The following IGF2BP2 variants were observed in gnomAD, a reference collection of about 807,000 sequenced individuals.
IGF2BP2 encodes insulin-like growth factor 2 mRNA-binding protein 2.
IGF2BP2 carries 17 observed loss-of-function variants against 75.8 expected under a neutral mutation model. The observed-to-expected ratio is 0.22, with a 90% CI of 0.15 to 0.34. The LOEUF is 0.34. Among genes scored for constraint, IGF2BP2 ranks in the 10% least tolerant of loss-of-function variants. IGF2BP2 has a pLI of 1.00. For missense variants in IGF2BP2, 516 were observed against 772.4 expected, an observed-to-expected ratio of 0.67 and a Z score of 3.93; for synonymous variants, 288 against 295.6, an observed-to-expected ratio of 0.97 and a Z score of 0.26.
chr3:185,782,521 G>A (rs965935800), intron 2 of IGF2BP2, among the ~76,000 whole-genome samples: 3 of 151,938 alleles, frequency 2.0e-5, no homozygotes, highest in South Asian at 2.1e-4. Context: ...ACTCACATTC[G>A]TTTACATAGA....
rs567565384 is a variant in IGF2BP2 at position 185,689,743 on chromosome 3, T to C, written c.405-116A>G. 1,158 of 1,146,680 alleles carry C rather than the reference T, an allele frequency of 1.0e-3. 8 individuals are homozygous for C. In the African/African-American group the frequency reaches 0.013, roughly 13 times the overall value. The allele number at this position is 1,146,680 out of a possible 1,614,324, so 71.0% of individuals were successfully genotyped here. A position where few individuals can be genotyped will look rare whatever the true frequency, so the allele number is the denominator to read the frequency against. On this transcript the variant is annotated intron_variant, in intron 5 of 15. Coordinates refer to ENST00000382199, the MANE Select transcript of IGF2BP2 (RefSeq NM_006548.6). ...CAGCACTTTGGGAGGCCGAGGCGGG[T>C]GGATCACGAGGTCAGGAGATCGAGA...
intron 2 of IGF2BP2, among the ~76,000 whole-genome samples, chr3:185,784,991 GTTTTC>G (rs1314649306): frequency 1.3e-5 from 2 of 152,132 alleles, no homozygotes; most frequent in East Asian, 1.9e-4. Flanking sequence ...AAATGCCTGT[GTTTTC>G]TTTTCAATTA....
At chr3:185,824,105 G>C (rs1009420994) in intron 1 of IGF2BP2, among the ~76,000 whole-genome samples, 17 of 152,008 alleles carry the variant, frequency 1.1e-4, no homozygotes, top group African/African-American at 4.8e-5. Context: ...GCGCTTGAGA[G>C]AGCAAGCGAG....
At chr3:185,737,114 C>T (rs995344452) in intron 2 of IGF2BP2, among the ~76,000 whole-genome samples, 20 of 152,204 alleles carry the variant, frequency 1.3e-4, no homozygotes, top group Admixed American at 9.8e-4. Context: ...TACATTTTCT[C>T]TTTCCATGAT....
chr3:185,693,065 T>C (rs1388414056), intron 4 of IGF2BP2: 5 of 239,634 alleles, frequency 2.1e-5, no homozygotes, highest in South Asian at 8.7e-5. Context: ...TTAATGTCTA[T>C]ATAAAATTGC....
intron 2 of IGF2BP2, among the ~76,000 whole-genome samples, chr3:185,700,927 A>G (rs1723208769): frequency 6.6e-6 from 1 of 152,216 alleles, no homozygotes. Context: ...GTATGCTGTT[A>G]CAAGAAAAGA....
intron 10 of IGF2BP2, 59 bp from the exon 11 acceptor site, chr3:185,658,468 A>C: frequency 4.2e-6 from 6 of 1,426,698 alleles, no homozygotes; most frequent in Non-Finnish European, 5.9e-6. Context: ...CACTGGCCTC[A>C]GGGAGGCCAG....
chr3:185,810,903 A>G (rs1739727365), intron 2 of IGF2BP2, among the ~76,000 whole-genome samples: 1 of 152,234 alleles, frequency 6.6e-6, no homozygotes, highest in South Asian at 2.1e-4. Flanking sequence ...TTAAAACATT[A>G]TCTATAGTTG....
chr3:185,669,906 C>G (rs1021089271), intron 10 of IGF2BP2, among the ~76,000 whole-genome samples: 2 of 152,212 alleles, frequency 1.3e-5, no homozygotes, highest in Non-Finnish European at 2.9e-5. Context: ...CACAGGTCTG[C>G]GGTGTGGACT....
intron 4 of IGF2BP2, among the ~76,000 whole-genome samples, chr3:185,692,990 C>T (rs1475531849): frequency 6.6e-6 from 1 of 152,204 alleles, no homozygotes; most frequent in Non-Finnish European, 1.5e-5. Flanking sequence ...ATATTTTCCA[C>T]ATATTTTATA....
intron 2 of IGF2BP2, among the ~76,000 whole-genome samples, chr3:185,708,027 C>A (rs1409962102): frequency 6.6e-6 from 1 of 152,172 alleles, no homozygotes; most frequent in East Asian, 1.9e-4. Flanking sequence ...AAGGTTTTCC[C>A]AAATCACCAT....
chr3:185,662,381 G>A (rs959937809), intron 10 of IGF2BP2, among the ~76,000 whole-genome samples: 10 of 151,650 alleles, frequency 6.6e-5, no homozygotes, highest in African/African-American at 2.4e-4. Flanking sequence ...GGGAGGCTGA[G>A]GCAGGGGAAC....
intron 2 of IGF2BP2, among the ~76,000 whole-genome samples, chr3:185,730,314 T>C (rs1266544658): frequency 6.6e-6 from 1 of 152,114 alleles, no homozygotes; most frequent in Non-Finnish European, 1.5e-5. Flanking sequence ...TAGTATTCCG[T>C]GGTATATTTA....
intron 2 of IGF2BP2, among the ~76,000 whole-genome samples, chr3:185,724,234 T>C (rs1727000086): frequency 6.6e-6 from 1 of 152,194 alleles, no homozygotes; most frequent in African/African-American, 2.4e-5. Flanking sequence ...GGGCTCTTCT[T>C]GTCCACTGGA....
intron 2 of IGF2BP2, among the ~76,000 whole-genome samples, chr3:185,797,704 G>A (rs1737618903): frequency 6.6e-6 from 1 of 151,840 alleles, no homozygotes; most frequent in African/African-American, 2.4e-5. Context: ...AGGAGTTCGA[G>A]ACCAGCCTGG....
intron 2 of IGF2BP2, among the ~76,000 whole-genome samples, chr3:185,789,188 T>C (rs1736293308): frequency 6.6e-6 from 1 of 152,178 alleles, no homozygotes; most frequent in South Asian, 2.1e-4. Context: ...AAGGAAAGAA[T>C]CTTAACTAGT....
chr3:185,666,665 G>A (rs984552128), intron 10 of IGF2BP2, among the ~76,000 whole-genome samples: 8 of 151,872 alleles, frequency 5.3e-5, no homozygotes, highest in Non-Finnish European at 4.4e-5. Context: ...TTTAAAAAAA[G>A]AAATTGAGAG....
At chr3:185,807,946 T>C (rs2149989526) in intron 2 of IGF2BP2, among the ~76,000 whole-genome samples, 1 of 152,278 alleles carries the variant, frequency 6.6e-6, no homozygotes, top group South Asian at 2.1e-4. Flanking sequence ...AGTGCTGACA[T>C]TGTCCTGATC....
intron 2 of IGF2BP2, among the ~76,000 whole-genome samples, chr3:185,734,898 C>T (rs1486258986): frequency 6.6e-6 from 1 of 152,042 alleles, no homozygotes; most frequent in African/African-American, 2.4e-5. Flanking sequence ...TACTCAACTC[C>T]GACGTGCCTC....
Sources: gnomAD v4.1 joint callset for allele counts (sites outside exome capture counted in the v4.1 genomes callset) on GRCh38, gnomAD v4.1.1 for gene constraint, MANE v1.5 for transcripts, NCBI Gene and HGNC (gene_info 2026-07-23, HGNC 2026-07-21) for gene names.